Variants in SORCS3 observed in about 807,000 individuals in gnomAD.
The protein encoded by SORCS3 is sortilin related VPS10 domain containing receptor 3.
SORCS3 carries 57 observed loss-of-function variants against 146.3 expected under a neutral mutation model. The observed-to-expected ratio is 0.39, with a 90% CI of 0.31 to 0.49. The LOEUF (loss-of-function observed/expected upper bound fraction) is 0.49. Ranked by LOEUF, SORCS3 falls within the 20% of genes least tolerant of loss-of-function variation. The pLI is 0.92. For synonymous variants in SORCS3, 653 were observed against 618.5 expected (o/e 1.06, Z -0.83); for missense variants, 1,341 against 1,575.5 (o/e 0.85, Z 2.52).
intron 2 of SORCS3, among the ~76,000 whole-genome samples, chr10:104,867,119 G>A (rs949773593): frequency 2.6e-5 from 4 of 152,098 alleles, no homozygotes; most frequent in African/African-American, 7.2e-5. Flanking sequence ...ACAGACAGTA[G>A]ATAAGTACAC....
intron 9 of SORCS3, among the ~76,000 whole-genome samples, chr10:105,156,368 G>A (rs892794010): frequency 6.6e-6 from 1 of 152,182 alleles, no homozygotes; most frequent in Admixed American, 6.5e-5. Flanking sequence ...AGTAGAATTT[G>A]TGCTTACCCT....
intron 1 of SORCS3, among the ~76,000 whole-genome samples, chr10:104,721,036 C>T (rs2016541474): frequency 6.6e-6 from 1 of 152,178 alleles, no homozygotes; most frequent in South Asian, 2.1e-4. Context: ...GTGTTATAGA[C>T]ATGAAGTCCT....
chr10:105,050,626 C>T (rs1346481735), intron 5 of SORCS3, among the ~76,000 whole-genome samples: 6 of 152,144 alleles, frequency 3.9e-5, no homozygotes, highest in African/African-American at 9.7e-5. Flanking sequence ...GAGACCTCCT[C>T]AGGCAGAGGC....
intron 1 of SORCS3, among the ~76,000 whole-genome samples, chr10:104,755,627 A>G (rs1402270763): frequency 6.6e-6 from 1 of 152,198 alleles, no homozygotes. Context: ...ATAGATTTAC[A>G]TAGGAGTGAG....
chr10:104,898,990 AC>A (rs1432030820), intron 2 of SORCS3, among the ~76,000 whole-genome samples: 1 of 152,160 alleles, frequency 6.6e-6, no homozygotes, highest in Non-Finnish European at 1.5e-5. Flanking sequence ...TCCCATTCCT[AC>A]ACTCACTTTA....
intron 7 of SORCS3, among the ~76,000 whole-genome samples, chr10:105,137,506 A>C (rs937890946): frequency 1.4e-4 from 21 of 150,194 alleles, no homozygotes; most frequent in East Asian, 3.9e-4. Flanking sequence ...TAAAAAAAAA[A>C]CCCCACCTTT....
At chr10:105,177,287 C>T (rs2056412317) in intron 13 of SORCS3, among the ~76,000 whole-genome samples, 1 of 152,150 alleles carries the variant, frequency 6.6e-6, no homozygotes, top group South Asian at 2.1e-4. Context: ...GATGAAGAAA[C>T]TAAGGCTGTC....
chr10:105,053,927 C>T lies in SORCS3; in HGVS notation c.1028+10799C>T, dbSNP rs566955258. On this transcript the variant is annotated intron_variant, in intron 5 of 26. Transcript: ENST00000369701. ...CAAACTATATATATAAAAATATTGT[C>T]GTGTCAAATCCAAAGAGTTTACACC... Among the ~76,000 whole-genome samples the T allele has an allele frequency of 5.7e-4, 87 of 151,978 alleles. 1 individual carries two copies. In the South Asian group the frequency reaches 0.017, roughly 30 times the overall value.
chr10:105,245,026 A>G lies in SORCS3; in HGVS notation c.2869-516A>G, dbSNP rs1049830347. Among the ~76,000 whole-genome samples the G allele has an allele frequency of 4.7e-5, 7 of 149,080 alleles. No homozygotes were observed. The East Asian group carries it at 1.0e-3, about 21-fold the overall frequency. ...GGAGGTTGCAGTGAGCCGAGATCGC[A>G]TCATTGCACTGCAGCCTGGGCGGCA... On this transcript the variant is annotated intron_variant, in intron 20 of 26. Coordinates refer to ENST00000369701, the MANE Select transcript of SORCS3 (RefSeq NM_014978.3).
intron 6 of SORCS3, among the ~76,000 whole-genome samples, chr10:105,103,201 G>A (rs1564754546): frequency 1.3e-5 from 2 of 152,194 alleles, no homozygotes; most frequent in Admixed American, 6.5e-5. Context: ...GCATTTGAGT[G>A]TAGTCTCCGC....
chr10:105,187,683 G>A lies in SORCS3; in HGVS notation c.2009+9510G>A, dbSNP rs191089153. Reference sequence around the variant, plus strand: ...TTCAGAGAGAACTGAACTCTTATAGGAACACTTAAAAGAGGATTCGGGAGT... The same window carrying A: ...TTCAGAGAGAACTGAACTCTTATAGAAACACTTAAAAGAGGATTCGGGAGT... On this transcript the variant is annotated intron_variant, in intron 14 of 26. Coordinates refer to ENST00000369701, the MANE Select transcript of SORCS3 (RefSeq NM_014978.3). Among the ~76,000 whole-genome samples the A allele has an allele frequency of 3.2e-3, 486 of 152,252 alleles. 3 individuals carry two copies. Among genetic ancestry groups the A allele is most frequent in the African/African-American group, 0.011 (464 of 41,542 alleles).
At position 104,974,488 on chromosome 10, in the gene SORCS3, G is replaced by T. The variant is rs570340627; in HGVS notation, c.796-2847G>T. On this transcript the variant is annotated intron_variant, in intron 3 of 26. Coordinates refer to ENST00000369701, the MANE Select transcript of SORCS3 (RefSeq NM_014978.3). ...ATCTTTTGATCTTTGTTGTTTTGAA[G>T]TCTGTTTTATCAGAGACTAGGATTG... is the stretch of plus-strand genomic sequence containing the variant. 6.6e-5 allele frequency among the ~76,000 whole-genome samples: 10 copies of T among 152,248 alleles called. No individual in the cohort carries two copies. The South Asian group carries it at 2.1e-3, about 32-fold the overall frequency.
At chr10:104,673,419 CGTGTGTGTGT>C (rs61501873) in intron 1 of SORCS3, among the ~76,000 whole-genome samples, 58 of 146,090 alleles carry the variant, frequency 4.0e-4, no homozygotes, top group Admixed American at 1.4e-3. Context: ...TTCTTATTTC[CGTGTGTGTGT>C]GTGTGTGTGT....
intron 1 of SORCS3, among the ~76,000 whole-genome samples, chr10:104,829,948 A>G (rs900215164): frequency 3.3e-5 from 5 of 152,108 alleles, no homozygotes; most frequent in Admixed American, 6.6e-5. Context: ...GACTTGTTAC[A>G]TAGGTATACA....
At chr10:104,957,494 C>T (rs1309438699) in intron 3 of SORCS3, among the ~76,000 whole-genome samples, 1 of 151,812 alleles carries the variant, frequency 6.6e-6, no homozygotes, top group Non-Finnish European at 1.5e-5. Context: ...TTAATAACAA[C>T]AAAAAGTTTG....
At chr10:104,651,859 C>T (rs1188176099) in intron 1 of SORCS3, among the ~76,000 whole-genome samples, 1 of 152,162 alleles carries the variant, frequency 6.6e-6, no homozygotes, top group African/African-American at 2.4e-5. Flanking sequence ...GCTTTGATCA[C>T]ACAAGGTACA....
chr10:104,652,059 A>ATGTG (rs3069971), intron 1 of SORCS3, among the ~76,000 whole-genome samples: 8 of 148,944 alleles, frequency 5.4e-5, no homozygotes, highest in African/African-American at 1.5e-4. Flanking sequence ...TATATTTTAA[A>ATGTG]TGTGTGTGTG....
chr10:104,655,370 A>G (rs1408500972), intron 1 of SORCS3, among the ~76,000 whole-genome samples: 1 of 152,102 alleles, frequency 6.6e-6, no homozygotes, highest in Admixed American at 6.6e-5. Flanking sequence ...TTTGTCATGC[A>G]GGTATTTAAG....
At chr10:105,027,687 C>T (rs1267833090) in intron 4 of SORCS3, among the ~76,000 whole-genome samples, 1 of 152,170 alleles carries the variant, frequency 6.6e-6, no homozygotes, top group African/African-American at 2.4e-5. Context: ...GGCTCCAGCT[C>T]TGATGCTGTC....
Sources: gnomAD v4.1 joint callset for allele counts (sites outside exome capture counted in the v4.1 genomes callset) on GRCh38, gnomAD v4.1.1 for gene constraint, MANE v1.5 for transcripts, NCBI Gene and HGNC (gene_info 2026-07-23, HGNC 2026-07-21) for gene names.